Variants in PTPRS observed in about 807,000 individuals in gnomAD.
PTPRS encodes the protein receptor-type tyrosine-protein phosphatase S.
PTPRS carries 63 observed loss-of-function variants against 215.3 expected under a neutral mutation model. That is an observed-to-expected ratio of 0.29 (90% CI 0.24 to 0.36). The LOEUF is 0.36. Ranked by LOEUF, PTPRS falls within the 10% of genes least tolerant of loss-of-function variation. The pLI is 1.00. For synonymous variants in PTPRS, 1,404 were observed against 1,191.4 expected, an observed-to-expected ratio of 1.18 and a Z score of -3.68; for missense variants, 2,258 against 2,825.8, an observed-to-expected ratio of 0.80 and a Z score of 4.56.
At chr19:5,225,126 AG>A (rs1351345260) in intron 17 of PTPRS, among the ~76,000 whole-genome samples, 3 of 152,076 alleles carry the variant, frequency 2.0e-5, no homozygotes, top group African/African-American at 4.8e-5. Flanking sequence ...AAAAAAAGCC[AG>A]CCCCTTGGGG....
rs982447021 is a variant in PTPRS, at chr19:5,212,217, G to A, written c.4803C>T (p.Val1601=). The part of the protein sequence containing the change: ...AGVGRTGCFI[V]IDAMLERIKP... Reference sequence around the variant, plus strand: ...TGATCCGCTCAAGCATGGCGTCGATGACGATAAAGCAGCCTGTGCGGCCCA... The same window carrying A: ...TGATCCGCTCAAGCATGGCGTCGATAACGATAAAGCAGCCTGTGCGGCCCA... The change falls in exon 32 of 38, where the codon GTC becomes GTT. Residue 1601 remains valine (V), a synonymous_variant. Coordinates refer to ENST00000262963, the MANE Select transcript of PTPRS (RefSeq NM_002850.4). 2 of 1,613,288 alleles carry A rather than the reference G, an allele frequency of 1.2e-6. No homozygotes were observed. Among genetic ancestry groups the A allele is most frequent in the African/African-American group, 1.3e-5 (1 of 75,048 alleles).
chr19:5,313,298 C>G (rs1287793732), intron 1 of PTPRS, among the ~76,000 whole-genome samples: 1 of 152,170 alleles, frequency 6.6e-6, no homozygotes, highest in Non-Finnish European at 1.5e-5. Flanking sequence ...AATAAGTGCC[C>G]TGGAGATGCT....
Position 5,287,441 on chromosome 19 carries a change from C to G in PTPRS, c.-94-1207G>C, listed in dbSNP as rs1314480920. ...GGGTCCCTCGTCACATACCTTGAAC[C>G]CTGGAATGGCCCCCTCCCCATCTCC... On this transcript the variant is annotated intron_variant, in intron 1 of 37. Transcript: ENST00000262963. The surrounding 1 kb of genome is among the most constrained non-coding windows in gnomAD (Gnocchi z 4.8). 2.6e-5 allele frequency among the ~76,000 whole-genome samples: 4 copies of G among 152,194 alleles called. No homozygotes were observed. Among genetic ancestry groups the G allele is most frequent in the African/African-American group, 9.7e-5 (4 of 41,450 alleles).
At chr19:5,305,118 A>G (rs114237024) in intron 1 of PTPRS, among the ~76,000 whole-genome samples, 9 of 151,970 alleles carry the variant, frequency 5.9e-5, no homozygotes, top group Admixed American at 3.9e-4. Context: ...AGACATAAAA[A>G]CCCCTATCAA....
At chr19:5,262,730 G>A (rs2046098756) in intron 6 of PTPRS, among the ~76,000 whole-genome samples, 1 of 151,430 alleles carries the variant, frequency 6.6e-6, no homozygotes, top group African/African-American at 2.4e-5. Flanking sequence ...GGGTGGACTT[G>A]TCTCTTTTCC....
At chr19:5,307,043 G>A (rs1351899991) in intron 1 of PTPRS, among the ~76,000 whole-genome samples, 4 of 152,190 alleles carry the variant, frequency 2.6e-5, no homozygotes, top group Admixed American at 1.3e-4. Flanking sequence ...AGTGGCTCAC[G>A]CCTGCAATCC....
intron 16 of PTPRS, 86 bp downstream of exon 16, chr19:5,229,230 A>C (rs1269126699): frequency 4.7e-6 from 6 of 1,282,630 alleles, no homozygotes; most frequent in Non-Finnish European, 6.0e-6. Context: ...TTTACTACTG[A>C]TGATAAGGGG....
intron 14 of PTPRS, among the ~76,000 whole-genome samples, chr19:5,229,892 A>C (rs2042874939): frequency 7.1e-6 from 1 of 140,570 alleles, no homozygotes; most frequent in African/African-American, 2.9e-5. Flanking sequence ...GGTGCGCCCC[A>C]TGGATCCAGG....
Position 5,287,911 on chromosome 19 carries a change from T to G in PTPRS, c.-94-1677A>C, listed in dbSNP as rs2048483882. On this transcript the variant is annotated intron_variant, in intron 1 of 37. Transcript: ENST00000262963. This position sits in a 1 kb window ranked among gnomAD's most constrained non-coding sequence, Gnocchi z 4.8. ...CAGTCAGACTGCAAGCGGTTGCATA[T>G]CTGCAAGAGACACAGAAACAAATGC... is the stretch of plus-strand genomic sequence containing the variant. Among the ~76,000 whole-genome samples the G allele has an allele frequency of 1.4e-5, 2 of 147,456 alleles. No homozygotes were observed. The highest frequency in any genetic ancestry group is 6.9e-5 in the Admixed American group (1 of 14,564).
rs187422200 is a variant in PTPRS at position 5,205,737 on chromosome 19, G to T, written c.*1037C>A. Among the ~76,000 whole-genome samples the T allele has an allele frequency of 2.6e-5, 4 of 152,154 alleles. No individual in the cohort carries two copies. The East Asian group carries it at 7.7e-4, about 29-fold the overall frequency. On this transcript the variant is annotated 3_prime_UTR_variant, in exon 38 of 38. Coordinates refer to ENST00000262963, the MANE Select transcript of PTPRS (RefSeq NM_002850.4). The stretch of plus-strand genomic sequence containing the variant: ...CCAGGGGGAAAGGGTCCCTGATGTG[G>T]GGCAGCACAGCCATACAGCCACTGT...
intron 1 of PTPRS, among the ~76,000 whole-genome samples, chr19:5,306,411 C>T (rs1302998166): frequency 6.6e-6 from 1 of 152,110 alleles, no homozygotes; most frequent in African/African-American, 2.4e-5. Context: ...TCCCAAAGTG[C>T]TGGGATTACA....
rs117547398 is a variant in PTPRS, at chr19:5,293,809, G to A, written c.-94-7575C>T. On this transcript the variant is annotated intron_variant, in intron 1 of 37. Coordinates refer to ENST00000262963, the MANE Select transcript of PTPRS (RefSeq NM_002850.4). The surrounding 1 kb of genome is among the most constrained non-coding windows in gnomAD (Gnocchi z 8.4). ...GGGGGTCCAGGGGAATGAATGGGGG[G>A]ACACCGTGGCAGAGGCCCCCACCCT... 4.0e-3 allele frequency among the ~76,000 whole-genome samples: 606 copies of A among 152,232 alleles called. 10 individuals carry two copies. The highest frequency in any genetic ancestry group is 0.037 in the East Asian group (190 of 5,140).
chr19:5,239,133 AGAGAGAGAGACAGAAACAGAG>A, intron 12 of PTPRS, 70 bp from the exon 13 acceptor site: 1 of 1,160,344 alleles, frequency 8.6e-7, no homozygotes, highest in Non-Finnish European at 1.2e-6. Flanking sequence ...CAAAGGGGAG[AGAGAGAGAGACAGAAACAGAG>A]GGGGGAGGGG....
rs746328093 is a variant in PTPRS at position 5,231,575 on chromosome 19, C to T, written c.1890G>A (p.Val630=). Residue 630 remains valine (V), a synonymous_variant, in exon 14 of 38, where the codon GTG becomes GTA. Coordinates refer to ENST00000262963, the MANE Select transcript of PTPRS (RefSeq NM_002850.4). ...APPQDVKCVS[V]RSTAILVSWR... Reference sequence around the variant, plus strand: ...AACTTACCAAAATGGCCGTGGAGCGCACGCTGACACATTTAACGTCTTGAG... The same window carrying T: ...AACTTACCAAAATGGCCGTGGAGCGTACGCTGACACATTTAACGTCTTGAG... 1.9e-6 allele frequency: 3 copies of T among 1,592,344 alleles called. No individual in the cohort carries two copies. Among genetic ancestry groups the T allele is most frequent in the South Asian group, 1.1e-5 (1 of 89,826 alleles).
chr19:5,315,401 T>C (rs2049845113), intron 1 of PTPRS, among the ~76,000 whole-genome samples: 1 of 124,658 alleles, frequency 8.0e-6, no homozygotes, highest in Non-Finnish European at 1.6e-5. Context: ...TCTCACTCCA[T>C]CACCCAGGCT....
chr19:5,209,963 C>G (rs1326326036), intron 35 of PTPRS, among the ~76,000 whole-genome samples: 1 of 152,208 alleles, frequency 6.6e-6, no homozygotes, highest in South Asian at 2.1e-4. Flanking sequence ...TGTCACCCAA[C>G]AGGGCCACCT....
intron 17 of PTPRS, among the ~76,000 whole-genome samples, chr19:5,224,271 G>A (rs143206038): frequency 1.3e-5 from 2 of 152,324 alleles, no homozygotes; most frequent in African/African-American, 4.8e-5. Context: ...TGGGGGAATC[G>A]TGCTCCAGGA....
At chr19:5,340,576 C>A (rs1343792782) in intron 1 of PTPRS, 88 bp downstream of exon 1, 2 of 151,358 alleles carry the variant, frequency 1.3e-5, no homozygotes, top group Non-Finnish European at 2.9e-5. Context: ...CGGCGCGCTG[C>A]CCACTCGGCT....
In PTPRS at chr19:5,206,473, C is replaced by A; in HGVS notation, c.*301G>T. On this transcript the variant is annotated 3_prime_UTR_variant, in exon 38 of 38. Transcript: ENST00000262963. Reference sequence around the variant, plus strand: ...CACCCTCCTCTGGTTCTGGGGAGCACTCCTATTTGCTCACCATCCCCCCAC... The same window carrying A: ...CACCCTCCTCTGGTTCTGGGGAGCAATCCTATTTGCTCACCATCCCCCCAC... The A allele has an allele frequency of 2.4e-6, 1 of 416,222 alleles. No individual in the cohort carries two copies. Among genetic ancestry groups the A allele is most frequent in the Non-Finnish European group, 4.5e-6 (1 of 222,652 alleles). The allele number at this position is 416,222 out of a possible 1,614,324, so 25.8% of individuals were successfully genotyped here.
Sources: gnomAD v4.1 joint callset for allele counts (sites outside exome capture counted in the v4.1 genomes callset) on GRCh38, gnomAD v4.1.1 for gene constraint, Gnocchi (gnomAD v3.1) non-coding constraint, MANE v1.5 for transcripts, NCBI Gene and HGNC (gene_info 2026-07-23, HGNC 2026-07-21) for gene names.